The following ATXN1 variants were observed in gnomAD, a reference collection of about 807,000 sequenced individuals.
The protein encoded by ATXN1 is ataxin 1.
In ATXN1, 8 loss-of-function variants were observed where a neutral mutation model predicts 56.4. The observed-to-expected ratio is 0.14, with a 90% CI of 0.08 to 0.26. ATXN1 has a LOEUF of 0.26. Ranked by LOEUF, ATXN1 falls within the 10% of genes least tolerant of loss-of-function variation. The probability of loss-of-function intolerance (pLI) is 1.00; values close to 1 mark genes in which losing one functional copy is unlikely to be tolerated. For missense variants in ATXN1, 987 were observed against 1,106.5 expected, an observed-to-expected ratio of 0.89 and a Z score of 1.53; for synonymous variants, 514 against 494.6, an observed-to-expected ratio of 1.04 and a Z score of -0.52.
intron 1 of ATXN1, among the ~76,000 whole-genome samples, chr6:16,756,905 C>T (rs755582482): frequency 9.2e-5 from 14 of 152,156 alleles, no homozygotes; most frequent in Non-Finnish European, 1.5e-4. Context: ...AACTGTCACT[C>T]AAGGTATGTG....
At chr6:16,482,281 T>G (rs62388977) in intron 6 of ATXN1, among the ~76,000 whole-genome samples, 1,828 of 152,286 alleles carry the variant, frequency 0.012, 32 homozygotes, top group Non-Finnish European at 0.013. Context: ...AAGCAGTATT[T>G]TAGGTACTAT....
intron 5 of ATXN1, among the ~76,000 whole-genome samples, chr6:16,508,147 T>C (rs1470595677): frequency 6.6e-6 from 1 of 152,176 alleles, no homozygotes; most frequent in African/African-American, 2.4e-5. Context: ...GGATGAAATT[T>C]CTGGTAATAG....
chr6:16,425,746 C>T (rs547511510), intron 6 of ATXN1, among the ~76,000 whole-genome samples: 3 of 152,116 alleles, frequency 2.0e-5, no homozygotes, highest in South Asian at 2.1e-4. Flanking sequence ...GGGATGGGAC[C>T]GAGCATCCCT....
At chr6:16,716,059 A>G (rs1759634544) in intron 2 of ATXN1, among the ~76,000 whole-genome samples, 1 of 152,040 alleles carries the variant, frequency 6.6e-6, no homozygotes, top group South Asian at 2.1e-4. Flanking sequence ...ACCCCCACCC[A>G]CTCAAGGCTA....
chr6:16,692,912 A>G (rs896670921), intron 2 of ATXN1, among the ~76,000 whole-genome samples: 7 of 152,314 alleles, frequency 4.6e-5, no homozygotes, highest in African/African-American at 1.7e-4. Context: ...ATGGGAAGAT[A>G]TGGATAGATA....
chr6:16,489,868 G>A (rs1280401651), intron 5 of ATXN1, among the ~76,000 whole-genome samples: 1 of 152,150 alleles, frequency 6.6e-6, no homozygotes, highest in Non-Finnish European at 1.5e-5. Context: ...TGTTAAATCA[G>A]AGAATGCTAA....
rs147283804 is a variant in ATXN1, at chr6:16,609,606, G to A, written c.-488-23699C>T. ...AGAACAAAGCCTTCAGCTTAAGACC[G>A]AGGAAAGGAGTCCAACCTTTCCCTA... On this transcript the variant is annotated intron_variant, in intron 3 of 7. Coordinates refer to ENST00000436367, the MANE Select transcript of ATXN1 (RefSeq NM_001128164.2). Among the ~76,000 whole-genome samples the A allele has an allele frequency of 1.2e-4, 18 of 152,316 alleles. No individual in the cohort carries two copies. The East Asian group carries it at 2.1e-3, about 18-fold the overall frequency.
intron 6 of ATXN1, chr6:16,432,685 T>A (rs770624412): frequency 5.3e-5 from 8 of 152,042 alleles, no homozygotes; most frequent in Non-Finnish European, 5.9e-5. Flanking sequence ...AACCTATTTC[T>A]TTTTTCTTTT....
intron 6 of ATXN1, among the ~76,000 whole-genome samples, chr6:16,330,077 CT>C (rs1284226585): frequency 6.6e-6 from 1 of 151,732 alleles, no homozygotes; most frequent in Non-Finnish European, 1.5e-5. Flanking sequence ...GATTTTCTTT[CT>C]TTCTTTCTTT....
At chr6:16,407,519 GT>G (rs1758709366) in intron 6 of ATXN1, among the ~76,000 whole-genome samples, 1 of 152,138 alleles carries the variant, frequency 6.6e-6, no homozygotes, top group Admixed American at 6.5e-5. Context: ...GCTGAAGCTG[GT>G]TTTACTCACA....
intron 3 of ATXN1, among the ~76,000 whole-genome samples, chr6:16,606,479 T>TTTTG (rs1295421237): frequency 6.6e-6 from 1 of 151,640 alleles, no homozygotes; most frequent in Non-Finnish European, 1.5e-5. Context: ...GGCAGCCCTG[T>TTTTG]TTTGTTTGTT....
At chr6:16,682,919 A>G (rs916451184) in intron 2 of ATXN1, among the ~76,000 whole-genome samples, 7 of 152,216 alleles carry the variant, frequency 4.6e-5, no homozygotes, top group African/African-American at 1.4e-4. Context: ...TTGTTGAGTT[A>G]TATATTTTAG....
chr6:16,392,968 C>T (rs1758385331), intron 6 of ATXN1, among the ~76,000 whole-genome samples: 1 of 152,200 alleles, frequency 6.6e-6, no homozygotes, highest in South Asian at 2.1e-4. Flanking sequence ...TGAAATTTGA[C>T]AGTAACTCTC....
At chr6:16,526,544 T>C (rs1484290411) in intron 4 of ATXN1, among the ~76,000 whole-genome samples, 5 of 151,994 alleles carry the variant, frequency 3.3e-5, no homozygotes, top group Non-Finnish European at 7.4e-5. Flanking sequence ...GCGGGTGGAT[T>C]ACCTGAGGTC....
chr6:16,654,900 C>A (rs1758159266), intron 3 of ATXN1, among the ~76,000 whole-genome samples: 1 of 152,098 alleles, frequency 6.6e-6, no homozygotes, highest in Non-Finnish European at 1.5e-5. Flanking sequence ...TGGTTTCCTG[C>A]ACTTCATAAT....
intron 4 of ATXN1, among the ~76,000 whole-genome samples, chr6:16,536,773 T>C (rs1471062525): frequency 3.3e-5 from 5 of 152,224 alleles, no homozygotes; most frequent in African/African-American, 7.2e-5. Flanking sequence ...CCAATGTTTA[T>C]TAATTAGCAA....
chr6:16,548,585 C>A (rs1761857255), intron 4 of ATXN1, among the ~76,000 whole-genome samples: 1 of 152,062 alleles, frequency 6.6e-6, no homozygotes, highest in African/African-American at 2.4e-5. Flanking sequence ...ATTCAATAAA[C>A]ATTTTTCTAT....
chr6:16,627,673 G>C (rs1215093428), intron 3 of ATXN1, among the ~76,000 whole-genome samples: 2 of 152,174 alleles, frequency 1.3e-5, no homozygotes, highest in Non-Finnish European at 2.9e-5. Context: ...GCTGCAGTGA[G>C]CTGAGATCAT....
chr6:16,346,182 A>C (rs754904477), intron 6 of ATXN1, among the ~76,000 whole-genome samples: 1 of 152,120 alleles, frequency 6.6e-6, no homozygotes, highest in Non-Finnish European at 1.5e-5. Flanking sequence ...CAGCCTCCTG[A>C]GTAGCTGGGA....
Sources: gnomAD v4.1 joint callset for allele counts (sites outside exome capture counted in the v4.1 genomes callset) on GRCh38, gnomAD v4.1.1 for gene constraint, MANE v1.5 for transcripts, NCBI Gene and HGNC (gene_info 2026-07-23, HGNC 2026-07-21) for gene names.